RANBP2: variants seen among roughly 807,000 people sequenced by gnomAD.
RANBP2 encodes the protein RAN binding protein 2.
In RANBP2, 57 loss-of-function variants were observed where a neutral mutation model predicts 303.6. The ratio of observed to expected loss-of-function variants is 0.19; its 90% CI spans 0.15 to 0.23. RANBP2 has a LOEUF of 0.23. RANBP2 is among the 10% of genes least tolerant of loss of function. The pLI is 1.00. For synonymous variants in RANBP2, 1,167 were observed against 1,301.5 expected, an observed-to-expected ratio of 0.90 and a Z score of 2.23; for missense variants, 3,138 against 3,780.8, an observed-to-expected ratio of 0.83 and a Z score of 4.46.
At chr2:109,214,177 G>T in the RANBP2 span, among the ~76,000 whole-genome samples, 1 of 152,212 alleles carries the variant, frequency 6.6e-6, no homozygotes, top group East Asian at 1.9e-4. Flanking sequence ...TGGAGGTGAG[G>T]CTAAGACGCA....
the RANBP2 span, among the ~76,000 whole-genome samples, chr2:109,370,746 G>A: frequency 6.6e-5 from 10 of 152,020 alleles, no homozygotes; most frequent in South Asian, 2.1e-4. Context: ...CAACCCCCCC[G>A]AAAGCCCGCC....
chr2:109,730,288 C>G, the RANBP2 span, among the ~76,000 whole-genome samples: 1 of 152,114 alleles, frequency 6.6e-6, no homozygotes, highest in African/African-American at 2.4e-5. Flanking sequence ...TTGAATAAAC[C>G]TCTTGCTGAT....
At chr2:109,153,749 G>T in the RANBP2 span, among the ~76,000 whole-genome samples, 1 of 152,202 alleles carries the variant, frequency 6.6e-6, no homozygotes, top group Non-Finnish European at 1.5e-5. Flanking sequence ...CTGGGTTCTG[G>T]TGCATTTTGG....
At chr2:109,330,292 A>G in the RANBP2 span, among the ~76,000 whole-genome samples, 2 of 152,032 alleles carry the variant, frequency 1.3e-5, no homozygotes, top group South Asian at 2.1e-4. Flanking sequence ...TTCAGATGTT[A>G]TTGCGAAACT....
chr2:108,867,627 G>A, the RANBP2 span, among the ~76,000 whole-genome samples: 1 of 152,120 alleles, frequency 6.6e-6, no homozygotes, highest in East Asian at 1.9e-4. Context: ...AGGAATGAGG[G>A]TGGACTTGAA....
At chr2:109,674,248 CA>C in the RANBP2 span, among the ~76,000 whole-genome samples, 1 of 151,488 alleles carries the variant, frequency 6.6e-6, no homozygotes. Context: ...AACCCCCCCC[CA>C]AAATGAAGTA....
At chr2:109,652,476 C>T in the RANBP2 span, among the ~76,000 whole-genome samples, 1 of 152,192 alleles carries the variant, frequency 6.6e-6, no homozygotes, top group South Asian at 2.1e-4. Flanking sequence ...CCGCCCACCT[C>T]GGCCTCCCAA....
chr2:109,533,886 C>T, the RANBP2 span, among the ~76,000 whole-genome samples: 2 of 152,192 alleles, frequency 1.3e-5, no homozygotes, highest in African/African-American at 4.8e-5. Context: ...CTTTGTAAAG[C>T]TACTTGTCTC....
At chr2:109,548,775 CAAAAAA>C in the RANBP2 span, among the ~76,000 whole-genome samples, 1 of 63,542 alleles carries the variant, frequency 1.6e-5, no homozygotes, top group Non-Finnish European at 3.0e-5. Context: ...GGCTCCATCT[CAAAAAA>C]AAAAAAAAAA....
chr2:109,066,275 A>G, the RANBP2 span, among the ~76,000 whole-genome samples: 1 of 151,916 alleles, frequency 6.6e-6, no homozygotes, highest in East Asian at 1.9e-4. Flanking sequence ...CACCTGGCTA[A>G]TTTTTGTATT....
the RANBP2 span, among the ~76,000 whole-genome samples, chr2:109,620,627 G>A: frequency 9.2e-5 from 14 of 152,222 alleles, no homozygotes; most frequent in Admixed American, 6.5e-4. Flanking sequence ...ACTTGAACCC[G>A]GGAGGCGGAG....
chr2:109,147,293 C>G, the RANBP2 span, among the ~76,000 whole-genome samples: 2 of 151,814 alleles, frequency 1.3e-5, no homozygotes, highest in Non-Finnish European at 2.9e-5. Flanking sequence ...TGGTGCTGCT[C>G]TCTCTCTATC....
the RANBP2 span, among the ~76,000 whole-genome samples, chr2:108,815,516 G>T: frequency 3.9e-5 from 5 of 128,892 alleles, no homozygotes; most frequent in East Asian, 1.3e-3. Flanking sequence ...GCCCAGATTG[G>T]TGTGCAGTGG....
the RANBP2 span, among the ~76,000 whole-genome samples, chr2:109,598,108 G>C: frequency 6.6e-6 from 1 of 152,192 alleles, no homozygotes; most frequent in African/African-American, 2.4e-5. Context: ...CGTTGCCCAG[G>C]CTGGAGTGCA....
the RANBP2 span, among the ~76,000 whole-genome samples, chr2:109,396,243 C>G: frequency 6.6e-6 from 1 of 152,126 alleles, no homozygotes; most frequent in South Asian, 2.1e-4. Flanking sequence ...CTCTGAGTAG[C>G]ACTTAGGAGG....
At chr2:108,918,192 C>G in the RANBP2 span, among the ~76,000 whole-genome samples, 2 of 152,180 alleles carry the variant, frequency 1.3e-5, no homozygotes, top group African/African-American at 4.8e-5. Flanking sequence ...GGGTGGGGCG[C>G]GAGCCCTGGT....
chr2:109,593,409 C>CTTTT, the RANBP2 span, among the ~76,000 whole-genome samples: 5 of 133,780 alleles, frequency 3.7e-5, no homozygotes, highest in Non-Finnish European at 6.3e-5. Context: ...AGAGAAAGAA[C>CTTTT]TTTTTTTTTT....
At chr2:108,744,065 A>G (rs562601336) in intron 7 of RANBP2, among the ~76,000 whole-genome samples, 2 of 152,338 alleles carry the variant, frequency 1.3e-5, no homozygotes, top group African/African-American at 4.8e-5. Flanking sequence ...GTGCATCTGC[A>G]TTGCAGCTAG....
At chr2:109,689,067 C>T in the RANBP2 span, among the ~76,000 whole-genome samples, 1 of 151,922 alleles carries the variant, frequency 6.6e-6, no homozygotes, top group African/African-American at 2.4e-5. Context: ...AGACCACGCC[C>T]AGCTAATTGT....
Sources: gnomAD v4.1 joint callset for allele counts (sites outside exome capture counted in the v4.1 genomes callset) on GRCh38, gnomAD v4.1.1 for gene constraint, MANE v1.5 for transcripts, NCBI Gene and HGNC (gene_info 2026-07-23, HGNC 2026-07-21) for gene names.